Variants in TMEM187 observed in about 807,000 individuals in gnomAD.
TMEM187 encodes transmembrane protein 187, also known as chromosome X open reading frame 12.
In TMEM187, 14 loss-of-function variants were observed where a neutral mutation model predicts 11.8. The ratio of observed to expected loss-of-function variants is 1.18; its 90% CI spans 0.78 to 1.85. The LOEUF is 1.85. Among genes scored for constraint, TMEM187 ranks in the 40% most tolerant of loss-of-function variants. TMEM187 has a pLI of 0.00. For missense variants in TMEM187, 227 were observed against 243.9 expected, an observed-to-expected ratio of 0.93 and a Z score of 0.46; for synonymous variants, 112 against 118.5, an observed-to-expected ratio of 0.95 and a Z score of 0.36.
chrX:153,976,175 G>A (rs782639757), intron 1 of TMEM187, among the ~76,000 whole-genome samples: 10 of 111,994 alleles, frequency 8.9e-5, no homozygotes, highest in Non-Finnish European at 1.1e-4. Context: ...GTGTCCACCA[G>A]TGGATTGATA....
Position 153,982,125 on chromosome X carries a change from G to A in TMEM187, c.63G>A (p.Val21=), listed in dbSNP as rs1557122524. 8.2e-7 allele frequency: 1 copy of A among 1,212,512 alleles called. No individual in the cohort carries two copies. Among genetic ancestry groups the A allele is most frequent in the South Asian group, 1.8e-5 (1 of 57,068 alleles). Reference sequence around the variant, plus strand: ...CCGTGGCCGGTGGCCTCTGTGCCGTGGCTGTGTTCACGGGCATTTTCGACA... The same window carrying A: ...CCGTGGCCGGTGGCCTCTGTGCCGTAGCTGTGTTCACGGGCATTTTCGACA... ...HVAVAGGLCA[V]AVFTGIFDSV... Residue 21 remains valine, a synonymous_variant, in exon 2 of 2, where the codon GTG becomes GTA. Transcript: ENST00000369982.
chrX:153,978,000 G>A (rs1484158189), intron 1 of TMEM187, among the ~76,000 whole-genome samples: 1 of 108,836 alleles, frequency 9.2e-6, no homozygotes, highest in African/African-American at 3.4e-5. Context: ...GGTAGATCAC[G>A]AGGTCAGGAG....
intron 1 of TMEM187, among the ~76,000 whole-genome samples, chrX:153,974,827 C>A (rs1331767699): frequency 4.4e-5 from 5 of 112,446 alleles, no homozygotes; most frequent in African/African-American, 1.6e-4. Flanking sequence ...ACATGCCAAG[C>A]CTGGTGGCCC....
intron 1 of TMEM187, among the ~76,000 whole-genome samples, chrX:153,979,734 ATTTT>A (rs781814360): frequency 3.3e-5 from 2 of 60,926 alleles, no homozygotes. Flanking sequence ...TGTCTCTACA[ATTTT>A]TTTTTTTTTT....
intron 1 of TMEM187, among the ~76,000 whole-genome samples, chrX:153,980,327 C>G (rs976397811): frequency 8.9e-6 from 1 of 111,746 alleles, no homozygotes; most frequent in Admixed American, 9.5e-5. Flanking sequence ...CCACTGCACC[C>G]CAGCCTGGGC....
At chrX:153,973,712 A>C (rs782665349) in intron 1 of TMEM187, among the ~76,000 whole-genome samples, 1 of 110,331 alleles carries the variant, frequency 9.1e-6, no homozygotes, top group African/African-American at 3.4e-5. Context: ...CACACACACA[A>C]AAGCAGCTGC....
At position 153,982,607 on chromosome X, in the gene TMEM187, A is replaced by G; in HGVS notation, c.545A>G (p.His182Arg). 1.7e-6 allele frequency: 2 copies of G among 1,211,844 alleles called. No individual in the cohort carries two copies. The highest frequency in any genetic ancestry group is 2.2e-6 in the Non-Finnish European group (2 of 895,629). The change falls in exon 2 of 2, where the codon CAC becomes CGC. Residue 182 changes from histidine to arginine, a missense_variant. His to Arg is a conservative substitution (Grantham distance 29, BLOSUM62 0). Transcript: ENST00000369982. ...VAAVGQALRT[H>R]RHYGSTTSAT... The stretch of plus-strand genomic sequence containing the variant: ...GCTGTGGGGCAGGCGCTGCGCACCC[A>G]CAGGCACTATGGCAGCACCACCTCG...
rs1045938 is a variant in TMEM187 at position 153,982,959 on chromosome X, C to T, written c.*111C>T. The T allele has an allele frequency of 7.0e-3, 8,250 of 1,173,705 alleles. 26 individuals are homozygous for T. Among genetic ancestry groups the T allele is most frequent in the Middle Eastern group, 9.3e-3 (39 of 4,207 alleles). ...CCTGTGTGTGATGATATGCACTGAT[C>T]ACACAAGACTGCCCTTTCCTGAGAA... On this transcript the variant is annotated 3_prime_UTR_variant, in exon 2 of 2. Coordinates refer to ENST00000369982, the MANE Select transcript of TMEM187 (RefSeq NM_003492.3).
rs1170248056 is a variant in TMEM187 at position 153,977,539 on chromosome X, G to GAGGCGGAGGTTGC, written c.-213-4308_-213-4296dup. ...AGGCAGGAGAATCGCTTGAACCCGG[G>GAGGCGGAGGTTGC]AGGCGGAGGTTGCAGTGAGCCGAGA... is the stretch of plus-strand genomic sequence containing the variant. On this transcript the variant is annotated intron_variant, in intron 1 of 1. Transcript: ENST00000369982. 4.5e-5 allele frequency among the ~76,000 whole-genome samples: 5 copies of GAGGCGGAGGTTGC among 110,358 alleles called. No homozygotes were observed. In the East Asian group the frequency reaches 1.4e-3, roughly 31 times the overall value.
chrX:153,982,419 ACTGCCCATCTTTGCATGG>A lies in TMEM187; in HGVS notation c.359_376del (p.Leu120_Trp125del), dbSNP rs782406402. On this transcript the variant is annotated inframe_deletion, in exon 2 of 2. Transcript: ENST00000369982. ...CCGCGGTGCTGGACCAGTGGCTCAC[ACTGCCCATCTTTGCATGG>A]CCCGTGGCCTGGTGCCTCTACCTAG... is the stretch of plus-strand genomic sequence containing the variant. The A allele has an allele frequency of 1.5e-5, 18 of 1,200,431 alleles. No individual in the cohort carries two copies. Among genetic ancestry groups the A allele is most frequent in the Non-Finnish European group, 2.0e-5 (18 of 893,540 alleles).
At position 153,972,854 on chromosome X, in the gene TMEM187, C is replaced by T. The variant is rs1207879176; in HGVS notation, c.-220C>T. ...ATGGTGATAGCTGGCCTTTTCGCGC[C>T]AATACTGTAAGTGCTCACCGCAGCC... On this transcript the variant is annotated 5_prime_UTR_variant, in exon 1 of 2. Transcript: ENST00000369982. 1 of 112,638 alleles carries T rather than the reference C, an allele frequency of 8.9e-6. No homozygotes were observed. Among genetic ancestry groups the T allele is most frequent in the Non-Finnish European group, 1.9e-5 (1 of 53,017 alleles). 9.3% of individuals were successfully genotyped at this position (112,638 alleles called of 1,213,427 possible). A position where few individuals can be genotyped will look rare whatever the true frequency, so the allele number is the denominator to read the frequency against.
chrX:153,974,527 C>G (rs1557121177), intron 1 of TMEM187, among the ~76,000 whole-genome samples: 1 of 112,418 alleles, frequency 8.9e-6, no homozygotes, highest in Non-Finnish European at 1.9e-5. Context: ...CACTTTAAGT[C>G]TGGCCAAGAC....
chrX:153,981,857 GC>G lies in TMEM187; in HGVS notation c.-205del. On this transcript the variant is annotated 5_prime_UTR_variant, in exon 2 of 2. The change creates a premature stop within an existing upstream ORF in the 5' untranslated region. Coordinates refer to ENST00000369982, the MANE Select transcript of TMEM187 (RefSeq NM_003492.3). ...CCTTTTGTAACCACAAAGGAAAAAG[GC>G]AGAACGTTCCTCCGCTGGCGCCAGC... 1 of 641,713 alleles carries G rather than the reference GC, an allele frequency of 1.6e-6. No individual in the cohort carries two copies. The highest frequency in any genetic ancestry group is 2.4e-6 in the Non-Finnish European group (1 of 425,412). 52.9% of individuals were successfully genotyped at this position (641,713 alleles called of 1,213,427 possible). A position where few individuals can be genotyped will look rare whatever the true frequency, so the allele number is the denominator to read the frequency against.
At chrX:153,978,931 C>T (rs1284804002) in intron 1 of TMEM187, among the ~76,000 whole-genome samples, 2 of 111,355 alleles carry the variant, frequency 1.8e-5, no homozygotes, top group African/African-American at 3.3e-5. Context: ...GGATTACAGG[C>T]GTGCGCCACC....
intron 1 of TMEM187, among the ~76,000 whole-genome samples, chrX:153,978,894 C>T (rs1873960289): frequency 9.0e-6 from 1 of 111,217 alleles, no homozygotes; most frequent in African/African-American, 3.3e-5. Context: ...TCAAGCAATT[C>T]TCCCGTCTCA....
chrX:153,981,477 G>A (rs933086424), intron 1 of TMEM187, among the ~76,000 whole-genome samples: 44 of 111,904 alleles, frequency 3.9e-4, no homozygotes, highest in South Asian at 1.1e-3. Flanking sequence ...GCCAGAGCTC[G>A]GACTCCATCT....
chrX:153,973,639 C>T (rs1286031777), intron 1 of TMEM187, among the ~76,000 whole-genome samples: 1 of 110,387 alleles, frequency 9.1e-6, no homozygotes, highest in African/African-American at 3.3e-5. Flanking sequence ...GCTGAGATCG[C>T]GCCACTGCTC....
At chrX:153,978,569 C>CTTTTTTTTTTTTTT (rs781940360) in intron 1 of TMEM187, among the ~76,000 whole-genome samples, 7 of 38,915 alleles carry the variant, frequency 1.8e-4, no homozygotes, top group African/African-American at 9.0e-4. Context: ...CGCCTGGCCA[C>CTTTTTTTTTTTTTT]TTTTTTTTTT....
chrX:153,981,988 G>A lies in TMEM187; in HGVS notation c.-75G>A. The A allele has an allele frequency of 1.7e-6, 2 of 1,208,175 alleles. No individual in the cohort carries two copies. Among genetic ancestry groups the A allele is most frequent in the East Asian group, 5.9e-5 (2 of 33,769 alleles). On this transcript the variant is annotated 5_prime_UTR_variant, in exon 2 of 2. Transcript: ENST00000369982. ...TCTGCTGGCTCAGCCGGGAGGCCCAGAGTGTTCTGCAGAGGCTGCGTATTG... is the reference window on the plus strand; with the variant it reads ...TCTGCTGGCTCAGCCGGGAGGCCCAAAGTGTTCTGCAGAGGCTGCGTATTG...
Sources: allele counts gnomAD v4.1 joint callset (sites outside exome capture counted in the v4.1 genomes callset), GRCh38; gene constraint gnomAD v4.1.1; transcripts MANE v1.5; gene names NCBI Gene and HGNC (gene_info 2026-07-23, HGNC 2026-07-21).